Variants in TRPC3 observed in about 807,000 individuals in gnomAD.
TRPC3 encodes short transient receptor potential channel 3.
Under a neutral mutation model 90.9 loss-of-function variants are expected in TRPC3, and 54 were observed. The observed-to-expected ratio is 0.59, with a 90% CI of 0.48 to 0.75. The LOEUF is 0.75. TRPC3 is among the 30% of genes least tolerant of loss of function. TRPC3 has a pLI of 0.00. For missense variants in TRPC3, 918 were observed against 1,194.5 expected (o/e 0.77, Z 3.41); for synonymous variants, 424 against 450.9 (o/e 0.94, Z 0.75).
At chr4:121,935,477 A>G (rs1430568874) in intron 1 of TRPC3, among the ~76,000 whole-genome samples, 5 of 151,808 alleles carry the variant, frequency 3.3e-5, no homozygotes, top group African/African-American at 9.7e-5. Context: ...TTAGGTGGAC[A>G]AGAACTGCAT....
At chr4:121,890,725 C>G (rs569207888) in intron 10 of TRPC3, among the ~76,000 whole-genome samples, 1 of 151,952 alleles carries the variant, frequency 6.6e-6, no homozygotes, top group African/African-American at 2.4e-5. Context: ...GGTGCAGTGG[C>G]TCATGCCTGT....
At chr4:121,908,023 A>G (rs1728947484) in intron 6 of TRPC3, among the ~76,000 whole-genome samples, 1 of 152,150 alleles carries the variant, frequency 6.6e-6, no homozygotes, top group Non-Finnish European at 1.5e-5. Flanking sequence ...TCATGCAAAT[A>G]AAATATTTCG....
chr4:121,884,411 G>A (rs538890837), intron 10 of TRPC3, among the ~76,000 whole-genome samples: 4 of 152,196 alleles, frequency 2.6e-5, no homozygotes, highest in East Asian at 3.9e-4. Context: ...TTGTCAGGTC[G>A]GTGGTGGTTT....
intron 1 of TRPC3, among the ~76,000 whole-genome samples, chr4:121,944,444 T>C (rs1184124230): frequency 2.0e-5 from 3 of 151,896 alleles, no homozygotes; most frequent in Admixed American, 2.0e-4. Flanking sequence ...TAAAGGTTTA[T>C]GGGATATTGT....
rs764730400 is a variant in TRPC3, at chr4:121,902,820, T to C, written c.2463+32A>G. ...CAAGAAAAAAAAGACAGAACATTTA[T>C]TTTAAGGTCTTGGTAAGTTTTCGAT... On this transcript the variant is annotated intron_variant, in intron 9 of 11. Transcript: ENST00000379645. 13 of 1,476,030 alleles carry C rather than the reference T, an allele frequency of 8.8e-6. No individual in the cohort carries two copies. The African/African-American group carries it at 1.7e-4, about 19-fold the overall frequency. The allele number at this position is 1,476,030 out of a possible 1,614,324, so 91.4% of individuals were successfully genotyped here. A position where few individuals can be genotyped will look rare whatever the true frequency, so the allele number is the denominator to read the frequency against.
chr4:121,891,573 G>A (rs1292499994), intron 10 of TRPC3, among the ~76,000 whole-genome samples: 1 of 152,166 alleles, frequency 6.6e-6, no homozygotes, highest in Non-Finnish European at 1.5e-5. Flanking sequence ...CACAGAAAGA[G>A]TTCTCTGCCC....
At position 121,932,447 on chromosome 4, in the gene TRPC3, C is replaced by A. The variant is rs1414401332; in HGVS notation, c.811G>T (p.Asp271Tyr). 1 of 1,614,184 alleles carries A rather than the reference C, an allele frequency of 6.2e-7. No homozygotes were observed. The highest frequency in any genetic ancestry group is 8.5e-7 in the Non-Finnish European group (1 of 1,180,026). ...RPHDYFCKCG[D>Y]CMEKQRHDSF... ...TCGTGCCTCTGCTTCTCCATGCAGTCCCCGCACTTGCAGAAATAGTCGTGC... is the reference window on the plus strand; with the variant it reads ...TCGTGCCTCTGCTTCTCCATGCAGTACCCGCACTTGCAGAAATAGTCGTGC... The change falls in exon 2 of 12, where the codon GAC becomes TAC. Residue 271 changes from aspartate (D) to tyrosine (Y), a missense_variant. This residue lies in a region of TRPC3 where 609 missense variants were observed against 725.9 expected (regional missense o/e 0.84). Coordinates refer to ENST00000379645, the MANE Select transcript of TRPC3 (RefSeq NM_001130698.2). This position sits in a 1 kb window ranked among gnomAD's most constrained non-coding sequence, Gnocchi z 7.7.
In TRPC3 at chr4:121,910,250, G is replaced by A; in HGVS notation, c.1696C>T (p.Gln566Ter). 1 of 1,613,806 alleles carries A rather than the reference G, an allele frequency of 6.2e-7. No homozygotes were observed. The highest frequency in any genetic ancestry group is 8.5e-7 in the Non-Finnish European group (1 of 1,179,814). ...AFTARFLAFL[Q>*]ATKAQQYVDS... ...ACATACTGTTGTGCCTTCGTTGCCT[G>A]AAGGAAAGCTAGGAATCTGGCTGTG... is the stretch of plus-strand genomic sequence containing the variant. The change falls in exon 6 of 12, where the codon CAG becomes TAG. Residue 566 changes from glutamine to a stop codon, truncating the protein, a stop_gained. Coordinates refer to ENST00000379645, the MANE Select transcript of TRPC3 (RefSeq NM_001130698.2). LOFTEE classifies it high-confidence loss of function.
At chr4:121,887,386 G>A (rs1728160309) in intron 10 of TRPC3, among the ~76,000 whole-genome samples, 1 of 152,154 alleles carries the variant, frequency 6.6e-6, no homozygotes, top group Admixed American at 6.6e-5. Flanking sequence ...GATTCTTGAA[G>A]GCATGACTTA....
chr4:121,884,585 A>C (rs1372646160), intron 10 of TRPC3, among the ~76,000 whole-genome samples: 1 of 152,236 alleles, frequency 6.6e-6, no homozygotes, highest in African/African-American at 2.4e-5. Flanking sequence ...AATTTTAAGA[A>C]AGTAGAAATT....
At chr4:121,942,686 C>A (rs1280025983) in intron 1 of TRPC3, among the ~76,000 whole-genome samples, 1 of 152,186 alleles carries the variant, frequency 6.6e-6, no homozygotes, top group African/African-American at 2.4e-5. Context: ...AGGAGAGGAA[C>A]CCTGGTCTAT....
Position 121,951,597 on chromosome 4 carries a change from G to T in TRPC3, c.84C>A (p.Asp28Glu), listed in dbSNP as rs1228951713. 7 of 1,451,158 alleles carry T rather than the reference G, an allele frequency of 4.8e-6. No individual in the cohort carries two copies. The highest frequency in any genetic ancestry group is 6.4e-6 in the Non-Finnish European group (7 of 1,096,674). The allele number at this position is 1,451,158 out of a possible 1,614,324, so 89.9% of individuals were successfully genotyped here. A position where few individuals can be genotyped will look rare whatever the true frequency, so the allele number is the denominator to read the frequency against. The part of the protein sequence containing the change: ...APEEEEDEGE[D>E]EGAEPQRRRR... ...GGCGGCGCTGCGGCTCCGCGCCCTC[G>T]TCCTCGCCCTCGTCTTCCTCCTCCT... is the stretch of plus-strand genomic sequence containing the variant. The change falls in exon 1 of 12, where the codon GAC becomes GAA. Residue 28 changes from aspartate (D) to glutamate (E), a missense_variant. Physicochemically the swap from Asp to Glu is conservative, Grantham distance 45 (BLOSUM62 2). Transcript: ENST00000379645. The surrounding 1 kb of genome is among the most constrained non-coding windows in gnomAD (Gnocchi z 4.4).
intron 1 of TRPC3, among the ~76,000 whole-genome samples, chr4:121,936,333 G>A (rs1248819509): frequency 6.6e-6 from 1 of 152,166 alleles, no homozygotes; most frequent in Non-Finnish European, 1.5e-5. Context: ...AGAATGTTTA[G>A]CTCTAGTAAT....
chr4:121,950,097 C>T (rs138580366), intron 1 of TRPC3, among the ~76,000 whole-genome samples: 6 of 152,294 alleles, frequency 3.9e-5, no homozygotes, highest in African/African-American at 1.2e-4. Flanking sequence ...TATACCTTCC[C>T]TCCATTTCCT....
chr4:121,906,921 G>A (rs891607948), intron 7 of TRPC3, among the ~76,000 whole-genome samples: 9 of 152,042 alleles, frequency 5.9e-5, no homozygotes, highest in Non-Finnish European at 1.3e-4. Flanking sequence ...TTCCTGTACC[G>A]ATCAATGAAT....
At chr4:121,879,924 T>G in intron 11 of TRPC3, 46 bp from the exon 12 acceptor site, 1 of 1,480,316 alleles carries the variant, frequency 6.8e-7, no homozygotes, top group Non-Finnish European at 9.0e-7. Flanking sequence ...GCTCTTTGGA[T>G]TTAGAAATGA....
At position 121,874,884 on chromosome 4, in the gene TRPC3, G is replaced by T. The variant is rs547434135; in HGVS notation, c.*4852C>A. 3.9e-5 allele frequency among the ~76,000 whole-genome samples: 6 copies of T among 152,190 alleles called. No homozygotes were observed. In the South Asian group the frequency reaches 1.2e-3, roughly 32 times the overall value. On this transcript the variant is annotated 3_prime_UTR_variant, in exon 12 of 12. Coordinates refer to ENST00000379645, the MANE Select transcript of TRPC3 (RefSeq NM_001130698.2). ...ATGGTGTTACATGCCTGTAGTCTCA[G>T]CTATTTGAAGGCTGAGGCTCAAGAT... is the stretch of plus-strand genomic sequence containing the variant.
At chr4:121,897,289 A>G (rs1033107058) in intron 10 of TRPC3, among the ~76,000 whole-genome samples, 13 of 151,852 alleles carry the variant, frequency 8.6e-5, no homozygotes, top group African/African-American at 3.1e-4. Context: ...AAATAAACAT[A>G]TGGGATCATA....
intron 10 of TRPC3, among the ~76,000 whole-genome samples, chr4:121,893,001 G>A (rs1279816118): frequency 2.0e-5 from 3 of 151,656 alleles, no homozygotes; most frequent in Non-Finnish European, 2.9e-5. Flanking sequence ...GGCACCAGTA[G>A]TCCCAGCTAC....
Sources: allele counts gnomAD v4.1 joint callset (sites outside exome capture counted in the v4.1 genomes callset), GRCh38; gene constraint gnomAD v4.1.1; regional missense constraint gnomAD v4.1.1; non-coding constraint Gnocchi (gnomAD v3.1); transcripts MANE v1.5; gene names NCBI Gene and HGNC (gene_info 2026-07-23, HGNC 2026-07-21).